FAM193A: variants seen among roughly 807,000 people sequenced by gnomAD.
FAM193A encodes protein FAM193A.
Under a neutral mutation model 126.5 loss-of-function variants are expected in FAM193A, and 22 were observed. The observed-to-expected ratio is 0.17, with a 90% CI of 0.12 to 0.25. The LOEUF (loss-of-function observed/expected upper bound fraction) is 0.25, where lower values mean the gene tolerates loss of function less well. Ranked by LOEUF, FAM193A falls within the 10% of genes least tolerant of loss-of-function variation. FAM193A has a pLI of 1.00. For synonymous variants in FAM193A, 761 were observed against 646.8 expected (o/e 1.18, Z -2.68); for missense variants, 1,675 against 1,672.8 (o/e 1.00, Z -0.02).
intron 13 of FAM193A, among the ~76,000 whole-genome samples, chr4:2,688,653 C>T (rs181782560): frequency 5.3e-5 from 8 of 152,274 alleles, no homozygotes; most frequent in Non-Finnish European, 1.2e-4. Context: ...GTGACATGCT[C>T]GAATTTACAT....
intron 16 of FAM193A, among the ~76,000 whole-genome samples, chr4:2,694,156 C>T (rs1226788530): frequency 6.6e-6 from 1 of 152,140 alleles, no homozygotes; most frequent in South Asian, 2.1e-4. Flanking sequence ...TTGTTTTTTA[C>T]TCATTGTATA....
chr4:2,666,098 C>T (rs947640913), intron 12 of FAM193A, among the ~76,000 whole-genome samples: 1 of 152,164 alleles, frequency 6.6e-6, no homozygotes, highest in Non-Finnish European at 1.5e-5. Flanking sequence ...AATCTTTGAC[C>T]ACTCTTTAAA....
intron 20 of FAM193A, among the ~76,000 whole-genome samples, chr4:2,720,706 T>A (rs1353684902): frequency 6.7e-6 from 1 of 150,006 alleles, no homozygotes; most frequent in African/African-American, 2.5e-5. Flanking sequence ...TAATTGGAAA[T>A]GTAGCTCAAA....
chr4:2,707,124 C>T (rs1160306380), intron 19 of FAM193A, among the ~76,000 whole-genome samples: 3 of 151,422 alleles, frequency 2.0e-5, no homozygotes, highest in Non-Finnish European at 4.4e-5. Flanking sequence ...TCTGTCTCCC[C>T]CCACAAAAAA....
At chr4:2,627,207 C>T (rs892269021) in intron 4 of FAM193A, among the ~76,000 whole-genome samples, 3 of 140,810 alleles carry the variant, frequency 2.1e-5, no homozygotes, top group African/African-American at 8.0e-5. Flanking sequence ...GTCAGCCAGG[C>T]TGTAGTCCAA....
chr4:2,537,796 C>T (rs988908338), intron 1 of FAM193A, among the ~76,000 whole-genome samples: 3 of 152,186 alleles, frequency 2.0e-5, no homozygotes, highest in Non-Finnish European at 4.4e-5. Flanking sequence ...CCTGGCCCCT[C>T]CTCCCCCGCT....
chr4:2,595,386 A>G, intron 1 of FAM193A, among the ~76,000 whole-genome samples: 1 of 152,086 alleles, frequency 6.6e-6, no homozygotes, highest in Non-Finnish European at 1.5e-5. Flanking sequence ...TTAAAGGCTA[A>G]TTTTATTTTT....
At chr4:2,590,463 C>CAAAAAAAAAAACA (rs1740469465) in intron 1 of FAM193A, among the ~76,000 whole-genome samples, 1 of 13,564 alleles carries the variant, frequency 7.4e-5, no homozygotes, top group African/African-American at 4.2e-4. Context: ...GACTCCATCT[C>CAAAAAAAAAAACA]AAAAAAAAAA....
At chr4:2,562,195 C>T (rs374254044) in intron 1 of FAM193A, among the ~76,000 whole-genome samples, 3 of 152,150 alleles carry the variant, frequency 2.0e-5, no homozygotes, top group South Asian at 2.1e-4. Context: ...TCCCTATAAT[C>T]GCAGCACTTT....
upstream of FAM193A, chr4:2,536,580 G>A (rs1249121024): frequency 2.7e-5 from 4 of 145,538 alleles, no homozygotes; most frequent in Admixed American, 6.7e-5. Context: ...GGGTGGGGGT[G>A]GGGGGTGGGG....
chr4:2,537,917 C>T (rs1578547696), intron 1 of FAM193A, among the ~76,000 whole-genome samples: 1 of 152,068 alleles, frequency 6.6e-6, no homozygotes, highest in East Asian at 1.9e-4. Flanking sequence ...ATGAAGACAG[C>T]TAGCACACAT....
intron 20 of FAM193A, among the ~76,000 whole-genome samples, chr4:2,728,446 T>C (rs879524847): frequency 1.1e-4 from 16 of 152,076 alleles, no homozygotes; most frequent in Non-Finnish European, 1.6e-4. Context: ...TCCTGTCTCT[T>C]TAAATCTTCC....
upstream of FAM193A, among the ~76,000 whole-genome samples, chr4:2,535,924 G>GCCTCCGCACCCAGGCGGACC (rs1736848575): frequency 6.6e-6 from 1 of 152,184 alleles, no homozygotes; most frequent in African/African-American, 2.4e-5. Context: ...CTCCGCCGCT[G>GCCTCCGCACCCAGGCGGACC]CCTCCGCACC....
chr4:2,656,268 A>C (rs1711667216), intron 7 of FAM193A, among the ~76,000 whole-genome samples: 1 of 152,234 alleles, frequency 6.6e-6, no homozygotes, highest in Non-Finnish European at 1.5e-5. Flanking sequence ...CCTACCGTAA[A>C]ACTTTGGGGC....
chr4:2,699,603 ATTATC>A, intron 18 of FAM193A, 72 bp from the exon 19 acceptor site: 1 of 1,440,550 alleles, frequency 6.9e-7, no homozygotes, highest in Non-Finnish European at 9.4e-7. Flanking sequence ...CGTTTTTGAA[ATTATC>A]TTAGTTTTTC....
Position 2,721,563 on chromosome 4 carries a change from A to G in FAM193A, c.4454+5459A>G, listed in dbSNP as rs556454101. ...ACCACTAAACTACAAAGAGGTCTTC[A>G]GCCTGACCAAGGAGCCCCATGGCAA... is the stretch of plus-strand genomic sequence containing the variant. On this transcript the variant is annotated intron_variant, in intron 20 of 20. Transcript: ENST00000637812. Among the ~76,000 whole-genome samples the G allele has an allele frequency of 2.0e-5, 3 of 152,358 alleles. No individual in the cohort carries two copies. The South Asian group carries it at 6.2e-4, about 32-fold the overall frequency.
In FAM193A at chr4:2,732,132, G is replaced by T. The variant is rs540374740; in HGVS notation, c.*264G>T. 8.0e-6 allele frequency: 4 copies of T among 497,572 alleles called. No individual in the cohort carries two copies. Among genetic ancestry groups the T allele is most frequent in the South Asian group, 2.1e-5 (1 of 46,786 alleles). The allele number at this position is 497,572 out of a possible 1,614,324, so 30.8% of individuals were successfully genotyped here. A position where few individuals can be genotyped will look rare whatever the true frequency, so the allele number is the denominator to read the frequency against. ...GTTCCCGCCAAGTCCTCCCACCACC[G>T]CGGCCTCGGAGGCCTGGGCCGTGGC... On this transcript the variant is annotated 3_prime_UTR_variant, in exon 21 of 21. Coordinates refer to ENST00000637812, the MANE Select transcript of FAM193A (RefSeq NM_001366318.2).
intron 1 of FAM193A, among the ~76,000 whole-genome samples, chr4:2,567,693 G>C (rs753494557): frequency 6.6e-6 from 1 of 152,052 alleles, no homozygotes; most frequent in Admixed American, 6.6e-5. Flanking sequence ...TGCCTTCTGC[G>C]TTACCAGTAG....
rs1403061964 is a variant in FAM193A, at chr4:2,681,972, G to GGT, written c.2332-7534_2332-7533insGT. Among the ~76,000 whole-genome samples the GGT allele has an allele frequency of 2.1e-3, 277 of 129,164 alleles. 1 individual carries two copies. The highest frequency in any genetic ancestry group is 7.2e-3 in the African/African-American group (251 of 34,814). 84.7% of individuals were successfully genotyped at this position (129,164 alleles called of 152,430 possible). ...ATCCCTTTACTTTTAACTTCTCAGGGTTTTTTTTTTTTTGGTTTTTTTTTT... is the reference window on the plus strand; with the variant it reads ...ATCCCTTTACTTTTAACTTCTCAGGGGTTTTTTTTTTTTTTGGTTTTTTTTTT... On this transcript the variant is annotated intron_variant, in intron 13 of 20. Coordinates refer to ENST00000637812, the MANE Select transcript of FAM193A (RefSeq NM_001366318.2).
Sources: gnomAD v4.1 joint callset for allele counts (sites outside exome capture counted in the v4.1 genomes callset) on GRCh38, gnomAD v4.1.1 for gene constraint, MANE v1.5 for transcripts, NCBI Gene and HGNC (gene_info 2026-07-23, HGNC 2026-07-21) for gene names.